Variants in GLRX observed in about 807,000 individuals in gnomAD.
GLRX encodes the protein glutaredoxin.
Under a neutral mutation model 11.1 loss-of-function variants are expected in GLRX, and 9 were observed. The observed-to-expected ratio is 0.81, with a 90% CI of 0.49 to 1.42. GLRX has a LOEUF of 1.42. GLRX is among the 40% of genes most tolerant of loss of function. The pLI is 0.00. For missense variants in GLRX, 102 were observed against 126.2 expected (o/e 0.81, Z 0.92); for synonymous variants, 49 against 49.5 (o/e 0.99, Z 0.04).
chr5:95,822,725 G>A lies in GLRX; in HGVS notation c.-63C>T, dbSNP rs1237548243. The A allele has an allele frequency of 1.4e-5, 20 of 1,387,588 alleles. No individual in the cohort carries two copies. The highest frequency in any genetic ancestry group is 2.0e-5 in the Non-Finnish European group (20 of 985,162). 86.0% of individuals were successfully genotyped at this position (1,387,588 alleles called of 1,614,324 possible). A position where few individuals can be genotyped will look rare whatever the true frequency, so the allele number is the denominator to read the frequency against. On this transcript the variant is annotated 5_prime_UTR_variant, in exon 1 of 3. Coordinates refer to ENST00000237858, the MANE Select transcript of GLRX (RefSeq NM_001118890.2). Reference sequence around the variant, plus strand: ...TTGCAGGTATTGCTTGGGGTATTGAGCCCCGACCCAGCCAGTTGGCTCCTA... The same window carrying A: ...TTGCAGGTATTGCTTGGGGTATTGAACCCCGACCCAGCCAGTTGGCTCCTA...
At chr5:95,821,080 G>A (rs376937012) in intron 1 of GLRX, among the ~76,000 whole-genome samples, 10 of 152,286 alleles carry the variant, frequency 6.6e-5, no homozygotes, top group East Asian at 3.9e-4. Flanking sequence ...TCCAGCCTGG[G>A]TGACAAGAAT....
chr5:95,819,893 G>A (rs1394315701), intron 1 of GLRX, among the ~76,000 whole-genome samples: 2 of 50,962 alleles, frequency 3.9e-5, no homozygotes, highest in African/African-American at 1.3e-4. Flanking sequence ...GGGAGACTCC[G>A]TCTCAAAAAA....
chr5:95,816,225 T>C (rs1233328722), intron 2 of GLRX, among the ~76,000 whole-genome samples: 2 of 152,202 alleles, frequency 1.3e-5, no homozygotes, highest in South Asian at 2.1e-4. Flanking sequence ...CTCTCTAAAA[T>C]ATAAGTTCCA....
intron 2 of GLRX, 74 bp downstream of exon 2, chr5:95,816,433 C>T (rs1746994523): frequency 2.6e-6 from 2 of 776,948 alleles, no homozygotes; most frequent in East Asian, 2.4e-5. Context: ...TGCTGTCATA[C>T]AGTATAACAA....
At chr5:95,817,894 A>G (rs1274229787) in intron 1 of GLRX, 3 of 152,238 alleles carry the variant, frequency 2.0e-5, no homozygotes, top group Admixed American at 1.3e-4. Flanking sequence ...AAATTGTCCA[A>G]AAAGTGAGAA....
At chr5:95,816,340 C>CTCT in intron 2 of GLRX, 167 bp downstream of exon 2, 1 of 553,052 alleles carries the variant, frequency 1.8e-6, no homozygotes, top group Non-Finnish European at 3.3e-6. Flanking sequence ...TTGACACGAT[C>CTCT]TCTTTGTAAA....
intron 1 of GLRX, among the ~76,000 whole-genome samples, chr5:95,819,920 A>C (rs1198761522): frequency 1.3e-5 from 2 of 148,868 alleles, no homozygotes; most frequent in African/African-American, 4.9e-5. Flanking sequence ...AAAAAAAAAA[A>C]AACCCTCGGG....
Position 95,814,039 on chromosome 5 carries a change from A to G in GLRX, c.*357T>C, listed in dbSNP as rs993814933. The stretch of plus-strand genomic sequence containing the variant: ...GTGTTGTCACTAGAGATTGAAGGAA[A>G]TTAACAATCTTACAATTCTAGAACA... On this transcript the variant is annotated 3_prime_UTR_variant, in exon 3 of 3. Coordinates refer to ENST00000237858, the MANE Select transcript of GLRX (RefSeq NM_001118890.2). The G allele has an allele frequency of 6.6e-6, 1 of 152,256 alleles. No homozygotes were observed. Among genetic ancestry groups the G allele is most frequent in the Non-Finnish European group, 1.5e-5 (1 of 68,040 alleles). 9.4% of individuals were successfully genotyped at this position (152,256 alleles called of 1,614,324 possible). A position where few individuals can be genotyped will look rare whatever the true frequency, so the allele number is the denominator to read the frequency against.
intron 1 of GLRX, 80 bp from the exon 2 acceptor site, chr5:95,816,706 C>G: frequency 1.3e-6 from 1 of 796,244 alleles, no homozygotes. Context: ...AAATATTTCC[C>G]GTGATTCCAA....
At chr5:95,820,130 T>C (rs542614237) in intron 1 of GLRX, among the ~76,000 whole-genome samples, 4 of 151,972 alleles carry the variant, frequency 2.6e-5, no homozygotes, top group South Asian at 2.1e-4. Flanking sequence ...GGTGGGAGGA[T>C]AGCTTGAGGC....
Position 95,822,186 on chromosome 5 carries a change from C to T in GLRX, c.207+270G>A, listed in dbSNP as rs1384232967. The T allele has an allele frequency of 9.6e-6, 5 of 521,354 alleles. No homozygotes were observed. In the Admixed American group the frequency reaches 1.6e-4, roughly 17 times the overall value. The allele number at this position is 521,354 out of a possible 1,614,324, so 32.3% of individuals were successfully genotyped here. On this transcript the variant is annotated intron_variant, in intron 1 of 2. Coordinates refer to ENST00000237858, the MANE Select transcript of GLRX (RefSeq NM_001118890.2). ...TCTAGATAATTCCCCAGGGACTCAC[C>T]GGCAAGCTGCTGGTCCCACTTACCC...
At chr5:95,817,648 C>T (rs1229577893) in intron 1 of GLRX, 3 of 152,172 alleles carry the variant, frequency 2.0e-5, no homozygotes, top group Admixed American at 6.5e-5. Context: ...CTTTTAGAAT[C>T]GCGAGGGAGG....
intron 1 of GLRX, 131 bp downstream of exon 1, chr5:95,822,325 A>ACCCCCCC: frequency 4.1e-6 from 2 of 491,818 alleles, no homozygotes; most frequent in Non-Finnish European, 3.7e-6. Context: ...CCTCCCCCAC[A>ACCCCCCC]CCCCCCGCCC....
chr5:95,816,160 TTC>T lies in GLRX; in HGVS notation c.*6+345_*6+346del, dbSNP rs957868307. On this transcript the variant is annotated intron_variant, in intron 2 of 2. Coordinates refer to ENST00000237858, the MANE Select transcript of GLRX (RefSeq NM_001118890.2). ...AATTTTCTCCCCACCCCATGACATA[TTC>T]TGTCACATTATTCTATTCTATTTCA... 3.3e-5 allele frequency among the ~76,000 whole-genome samples: 5 copies of T among 152,322 alleles called. No individual in the cohort carries two copies. In the South Asian group the frequency reaches 6.2e-4, roughly 19 times the overall value.
At chr5:95,817,112 G>A (rs1483816949) in intron 1 of GLRX, 3 of 156,814 alleles carry the variant, frequency 1.9e-5, no homozygotes, top group Non-Finnish European at 2.8e-5. Flanking sequence ...ATCTCTCTGT[G>A]TTGTTAAAAC....
At chr5:95,819,854 G>T (rs1348870704) in intron 1 of GLRX, among the ~76,000 whole-genome samples, 2 of 130,158 alleles carry the variant, frequency 1.5e-5, no homozygotes, top group African/African-American at 6.1e-5. Context: ...AGCTGAGATT[G>T]CGCCATTGCA....
At position 95,822,498 on chromosome 5, in the gene GLRX, G is replaced by A. The variant is rs980592737; in HGVS notation, c.165C>T (p.Asn55=). The change falls in exon 1 of 3, where the codon AAC becomes AAT. Residue 55 remains asparagine (N), a synonymous_variant. Coordinates refer to ENST00000237858, the MANE Select transcript of GLRX (RefSeq NM_001118890.2). ...FVDITATNHT[N]EIQDYLQQLT... The stretch of plus-strand genomic sequence containing the variant: ...GCTGTTGCAAATAATCTTGAATCTC[G>A]TTAGTGTGGTTGGTGGCTGTGATAT... 1.9e-6 allele frequency: 3 copies of A among 1,613,818 alleles called. No homozygotes were observed. Among genetic ancestry groups the A allele is most frequent in the Admixed American group, 1.7e-5 (1 of 59,990 alleles).
chr5:95,814,074 C>T lies in GLRX; in HGVS notation c.*322G>A, dbSNP rs1246634246. 2 of 152,240 alleles carry T rather than the reference C, an allele frequency of 1.3e-5. No individual in the cohort carries two copies. The highest frequency in any genetic ancestry group is 3.8e-4 in the East Asian group (2 of 5,200). 9.4% of individuals were successfully genotyped at this position (152,240 alleles called of 1,614,324 possible). Reference sequence around the variant, plus strand: ...TTACAATTCTAGAACAGGCAAACTTCATGATAAGGGATTCTTAAGTTTTCA... The same window carrying T: ...TTACAATTCTAGAACAGGCAAACTTTATGATAAGGGATTCTTAAGTTTTCA... On this transcript the variant is annotated 3_prime_UTR_variant, in exon 3 of 3. Coordinates refer to ENST00000237858, the MANE Select transcript of GLRX (RefSeq NM_001118890.2).
intron 1 of GLRX, among the ~76,000 whole-genome samples, chr5:95,820,350 C>CT (rs1292857478): frequency 1.9e-5 from 1 of 54,016 alleles, no homozygotes; most frequent in African/African-American, 7.4e-5. Flanking sequence ...GACTCTGTCT[C>CT]TTAAAAAAAA....
Sources: allele counts gnomAD v4.1 joint callset (sites outside exome capture counted in the v4.1 genomes callset), GRCh38; gene constraint gnomAD v4.1.1; transcripts MANE v1.5; gene names NCBI Gene and HGNC (gene_info 2026-07-23, HGNC 2026-07-21).